FBXO25: variants seen among roughly 807,000 people sequenced by gnomAD.
FBXO25 encodes the protein F-box only protein 25.
A neutral mutation model predicts 51.9 loss-of-function variants in FBXO25; 45 were observed. That is an observed-to-expected ratio of 0.87 (90% CI 0.68 to 1.11). The LOEUF (loss-of-function observed/expected upper bound fraction) is 1.11. Ranked by LOEUF, FBXO25 falls within the 50% of genes most tolerant of loss-of-function variation. The pLI is 0.00. For synonymous variants in FBXO25, 199 were observed against 151.0 expected (o/e 1.32, Z -2.33); for missense variants, 507 against 428.5 (o/e 1.18, Z -1.62).
rs1473007315 is a variant in FBXO25, at chr8:407,047, G to C, written c.-27G>C. 1.3e-5 allele frequency: 2 copies of C among 151,856 alleles called. No individual in the cohort carries two copies. The highest frequency in any genetic ancestry group is 4.9e-5 in the African/African-American group (2 of 41,186). The allele number at this position is 151,856 out of a possible 1,614,324, so 9.4% of individuals were successfully genotyped here. ...GACGCGGGCGCGTCAGGTGAAGACTGGGGGCCGCAGGCGCGCTAGGTAGGT... is the reference window on the plus strand; with the variant it reads ...GACGCGGGCGCGTCAGGTGAAGACTCGGGGCCGCAGGCGCGCTAGGTAGGT... On this transcript the variant is annotated 5_prime_UTR_variant, in exon 1 of 10. Coordinates refer to ENST00000350302, the MANE Select transcript of FBXO25 (RefSeq NM_183420.2).
rs549694325 is a variant in FBXO25 at position 432,545 on chromosome 8, C to G, written c.239-341C>G. ...AAATTTGTTTCTATGGAGTACCATA[C>G]ACAGCAACAGAAGAATAGAACTTTT... On this transcript the variant is annotated intron_variant, in intron 3 of 9. Transcript: ENST00000350302. 2.0e-5 allele frequency among the ~76,000 whole-genome samples: 3 copies of G among 152,306 alleles called. No individual in the cohort carries two copies. In the East Asian group the frequency reaches 5.8e-4, roughly 29 times the overall value.
intron 5 of FBXO25, among the ~76,000 whole-genome samples, chr8:438,218 C>G (rs1798215177): frequency 6.6e-6 from 1 of 152,076 alleles, no homozygotes; most frequent in African/African-American, 2.4e-5. Context: ...CGATGCCTGG[C>G]TAATTCTTTT....
In FBXO25 at chr8:458,405, C is replaced by G. The variant is rs778538789; in HGVS notation, c.697C>G (p.Leu233Val). 1 of 1,614,036 alleles carries G rather than the reference C, an allele frequency of 6.2e-7. No individual in the cohort carries two copies. The highest frequency in any genetic ancestry group is 1.3e-5 in the African/African-American group (1 of 74,936). The change falls in exon 8 of 10, where the codon CTG (leucine) becomes GTG (valine). Residue 233 changes from leucine to valine, a missense_variant. Coordinates refer to ENST00000350302, the MANE Select transcript of FBXO25 (RefSeq NM_183420.2). ...NNGLTLSDLP[L>V]HMLNNILYRF... Reference sequence around the variant, plus strand: ...TGGCCTCACCCTCAGTGACCTTCCTCTGCACATGCTGAACAACATCCTATA... The same window carrying G: ...TGGCCTCACCCTCAGTGACCTTCCTGTGCACATGCTGAACAACATCCTATA...
chr8:419,769 A>G (rs961298896), intron 2 of FBXO25, among the ~76,000 whole-genome samples: 4 of 152,082 alleles, frequency 2.6e-5, no homozygotes, highest in African/African-American at 9.7e-5. Context: ...ATACGATACC[A>G]AAAGCACATC....
At chr8:409,751 T>C (rs1796380230) in intron 1 of FBXO25, among the ~76,000 whole-genome samples, 1 of 134,812 alleles carries the variant, frequency 7.4e-6, no homozygotes, top group Non-Finnish European at 1.7e-5. Flanking sequence ...TGTTTTTTTC[T>C]GTCTCCATGT....
chr8:444,440 G>C (rs1289125475), intron 5 of FBXO25, among the ~76,000 whole-genome samples: 3 of 152,144 alleles, frequency 2.0e-5, no homozygotes, highest in Non-Finnish European at 4.4e-5. Context: ...TTGGATTCTA[G>C]TTTTATTATA....
At chr8:424,103 TC>T (rs1272390875) in intron 2 of FBXO25, among the ~76,000 whole-genome samples, 1 of 151,190 alleles carries the variant, frequency 6.6e-6, no homozygotes, top group Non-Finnish European at 1.5e-5. Flanking sequence ...AAGTGCCTGT[TC>T]ATGTCCTTTG....
Position 470,270 on chromosome 8 carries a change from A to C in FBXO25, c.*1466A>C, listed in dbSNP as rs1489804908. The C allele has an allele frequency of 6.6e-6, 1 of 152,152 alleles. No homozygotes were observed. The highest frequency in any genetic ancestry group is 1.5e-5 in the Non-Finnish European group (1 of 68,042). The allele number at this position is 152,152 out of a possible 1,614,324, so 9.4% of individuals were successfully genotyped here. ...CACAACAATGTGGCCGTCTCCTTACAACCACTGGTAGTACAGCCAACATCA... is the reference window on the plus strand; with the variant it reads ...CACAACAATGTGGCCGTCTCCTTACCACCACTGGTAGTACAGCCAACATCA... On this transcript the variant is annotated 3_prime_UTR_variant, in exon 10 of 10. Transcript: ENST00000350302.
chr8:428,584 A>G (rs1362411556), intron 2 of FBXO25, among the ~76,000 whole-genome samples: 1 of 152,190 alleles, frequency 6.6e-6, no homozygotes, highest in Non-Finnish European at 1.5e-5. Context: ...TTAAATGTAC[A>G]GTTCAGTGGT....
chr8:437,278 C>T (rs191560925), intron 5 of FBXO25, among the ~76,000 whole-genome samples: 57 of 152,356 alleles, frequency 3.7e-4, no homozygotes, highest in African/African-American at 1.3e-3. Flanking sequence ...ACTAAGCTTA[C>T]TTTGCAACCC....
chr8:412,996 A>C, intron 1 of FBXO25, 77 bp from the exon 2 acceptor site: 1 of 1,086,728 alleles, frequency 9.2e-7, no homozygotes, highest in Non-Finnish European at 1.2e-6. Flanking sequence ...TAATCTTTAA[A>C]ATTAATAAAT....
At chr8:447,693 A>G (rs1048759221) in intron 5 of FBXO25, among the ~76,000 whole-genome samples, 2 of 152,244 alleles carry the variant, frequency 1.3e-5, no homozygotes, top group Non-Finnish European at 2.9e-5. Flanking sequence ...CATGAAATTC[A>G]TGTATGTTTC....
chr8:446,014 T>G (rs1032813245), intron 5 of FBXO25, among the ~76,000 whole-genome samples: 1 of 152,050 alleles, frequency 6.6e-6, no homozygotes, highest in African/African-American at 2.4e-5. Context: ...ACTGTATGTC[T>G]CACACCTTGG....
Position 473,910 on chromosome 8 carries a change from T to C in FBXO25, c.*5106T>C, listed in dbSNP as rs1407711429. ...ATTATCTAACCTATGTAGTCAATTC[T>C]AATGTCATTTAAAAGAATTTGACAT... On this transcript the variant is annotated 3_prime_UTR_variant, in exon 10 of 10. Coordinates refer to ENST00000350302, the MANE Select transcript of FBXO25 (RefSeq NM_183420.2). The C allele has an allele frequency of 2.0e-5, 3 of 152,260 alleles. No homozygotes were observed. The highest frequency in any genetic ancestry group is 4.8e-5 in the African/African-American group (2 of 41,458). The allele number at this position is 152,260 out of a possible 1,614,324, so 9.4% of individuals were successfully genotyped here. A position where few individuals can be genotyped will look rare whatever the true frequency, so the allele number is the denominator to read the frequency against.
At chr8:430,311 G>A (rs1016830411) in intron 2 of FBXO25, among the ~76,000 whole-genome samples, 1 of 152,084 alleles carries the variant, frequency 6.6e-6, no homozygotes, top group Non-Finnish European at 1.5e-5. Context: ...CTGTTATAAT[G>A]TCTGCCACAA....
rs1309183410 is a variant in FBXO25, at chr8:471,194, C to T, written c.*2390C>T. 2 of 152,210 alleles carry T rather than the reference C, an allele frequency of 1.3e-5. No individual in the cohort carries two copies. Among genetic ancestry groups the T allele is most frequent in the Non-Finnish European group, 1.5e-5 (1 of 68,066 alleles). 9.4% of individuals were successfully genotyped at this position (152,210 alleles called of 1,614,324 possible). On this transcript the variant is annotated 3_prime_UTR_variant, in exon 10 of 10. Transcript: ENST00000350302. ...CTAGCCGCATTGCCACTGCATGGGTCACAGCCTCCTGCAGGTGCGTTCGAG... is the reference window on the plus strand; with the variant it reads ...CTAGCCGCATTGCCACTGCATGGGTTACAGCCTCCTGCAGGTGCGTTCGAG...
intron 5 of FBXO25, among the ~76,000 whole-genome samples, chr8:441,811 A>G (rs1798442238): frequency 6.6e-6 from 1 of 152,242 alleles, no homozygotes; most frequent in Non-Finnish European, 1.5e-5. Flanking sequence ...ACAATGACAT[A>G]CCATCTCACA....
chr8:462,657 A>G (rs1585102723), intron 8 of FBXO25, among the ~76,000 whole-genome samples: 2 of 152,140 alleles, frequency 1.3e-5, no homozygotes, highest in South Asian at 2.1e-4. Flanking sequence ...GGAAAACCAA[A>G]TATCATATGT....
At chr8:432,092 G>C (rs1172815391) in intron 3 of FBXO25, among the ~76,000 whole-genome samples, 6 of 152,166 alleles carry the variant, frequency 3.9e-5, no homozygotes, top group Non-Finnish European at 8.8e-5. Context: ...AAATGAAACA[G>C]TTATAGCAAG....
Sources: allele counts gnomAD v4.1 joint callset (sites outside exome capture counted in the v4.1 genomes callset), GRCh38; gene constraint gnomAD v4.1.1; transcripts MANE v1.5; gene names NCBI Gene and HGNC (gene_info 2026-07-23, HGNC 2026-07-21).